Variants in EFCAB11 observed in about 807,000 individuals in gnomAD.
EFCAB11 encodes the protein EF-hand calcium binding domain 11, also known as EF-hand calcium-binding domain-containing protein 11.
In EFCAB11, 14 loss-of-function variants were observed where a neutral mutation model predicts 23.0. The observed-to-expected ratio is 0.61, with a 90% CI of 0.40 to 0.95. EFCAB11 has a LOEUF of 0.95. Among genes scored for constraint, EFCAB11 ranks in the 40% least tolerant of loss-of-function variants. EFCAB11 has a pLI of 0.00. For missense variants in EFCAB11, 198 were observed against 195.8 expected, an observed-to-expected ratio of 1.01 and a Z score of -0.07; for synonymous variants, 65 against 66.6, an observed-to-expected ratio of 0.98 and a Z score of 0.11.
chr14:89,848,193 T>C (rs1887494856), intron 5 of EFCAB11, among the ~76,000 whole-genome samples: 1 of 152,208 alleles, frequency 6.6e-6, no homozygotes, highest in South Asian at 2.1e-4. Flanking sequence ...ATAAGGAAAC[T>C]GAGGCTTAGA....
chr14:89,875,097 T>TGAATGCCAC (rs1301987704), intron 5 of EFCAB11, among the ~76,000 whole-genome samples: 2 of 152,206 alleles, frequency 1.3e-5, no homozygotes, highest in Admixed American at 6.5e-5. Flanking sequence ...CTCAGGTGGC[T>TGAATGCCAC]GAATGCCACT....
At chr14:89,868,579 G>A (rs1478349615) in intron 5 of EFCAB11, among the ~76,000 whole-genome samples, 3 of 152,222 alleles carry the variant, frequency 2.0e-5, no homozygotes, top group African/African-American at 4.8e-5. Flanking sequence ...CACCCAGTGA[G>A]TACCTGTCTT....
At position 89,931,531 on chromosome 14, in the gene EFCAB11, G is replaced by T; in HGVS notation, c.410+10C>A. 1 of 1,609,342 alleles carries T rather than the reference G, an allele frequency of 6.2e-7. No homozygotes were observed. The highest frequency in any genetic ancestry group is 2.2e-5 in the East Asian group (1 of 44,840). ...AAAAGGTGGTGTACAGAAGGATTTT[G>T]ATGCCTTACCTGAATACCTCAAGAA... On this transcript the variant is annotated intron_variant, in intron 5 of 5. Coordinates refer to ENST00000316738, the MANE Select transcript of EFCAB11 (RefSeq NM_145231.4).
chr14:89,913,126 T>TG, intron 5 of EFCAB11, among the ~76,000 whole-genome samples: 1 of 152,158 alleles, frequency 6.6e-6, no homozygotes, highest in Non-Finnish European at 1.5e-5. Flanking sequence ...CCTGCTTCTG[T>TG]GGGGAACTCA....
At chr14:89,863,930 C>T (rs1389929271) in intron 5 of EFCAB11, among the ~76,000 whole-genome samples, 1 of 152,174 alleles carries the variant, frequency 6.6e-6, no homozygotes, top group African/African-American at 2.4e-5. Context: ...ACTCTTTAAA[C>T]TTAGATAAGA....
chr14:89,891,686 A>AACAC (rs148132532), intron 5 of EFCAB11, among the ~76,000 whole-genome samples: 5 of 150,414 alleles, frequency 3.3e-5, no homozygotes, highest in Admixed American at 1.3e-4. Flanking sequence ...TTTAGACACA[A>AACAC]ACACACACAC....
At chr14:89,892,759 A>G (rs1296323256) in intron 5 of EFCAB11, among the ~76,000 whole-genome samples, 2 of 152,040 alleles carry the variant, frequency 1.3e-5, no homozygotes, top group Non-Finnish European at 2.9e-5. Flanking sequence ...AAAATTAGCC[A>G]GGCGTGGTGG....
chr14:89,892,102 C>T (rs1888989659), intron 5 of EFCAB11: 2 of 1,549,364 alleles, frequency 1.3e-6, no homozygotes, highest in South Asian at 2.4e-5. Context: ...CCTTTGAACA[C>T]ATCCAAGACT....
At chr14:89,954,517 C>CACGGGAGAGGA (rs1290063423) in intron 1 of EFCAB11, 69 bp downstream of exon 1, 1 of 1,588,026 alleles carries the variant, frequency 6.3e-7, no homozygotes, top group African/African-American at 1.3e-5. Context: ...GAGACCCAGA[C>CACGGGAGAGGA]ACGGGAGAGG....
At chr14:89,902,987 T>G (rs1889388000) in intron 5 of EFCAB11, among the ~76,000 whole-genome samples, 1 of 152,202 alleles carries the variant, frequency 6.6e-6, no homozygotes, top group Non-Finnish European at 1.5e-5. Context: ...AATAAAATGC[T>G]TCTAAAATGT....
intron 5 of EFCAB11, among the ~76,000 whole-genome samples, chr14:89,819,329 G>C (rs542037941): frequency 6.6e-6 from 1 of 151,486 alleles, no homozygotes; most frequent in African/African-American, 2.4e-5. Flanking sequence ...AAGCTGTTCA[G>C]TGGTTATCTG....
intron 5 of EFCAB11, among the ~76,000 whole-genome samples, chr14:89,893,197 T>C (rs1889037113): frequency 2.6e-5 from 4 of 152,186 alleles, no homozygotes; most frequent in Admixed American, 2.6e-4. Context: ...AGCTGCTGCA[T>C]GAGCAAAGGC....
At chr14:89,824,175 G>A (rs1328608255) in intron 5 of EFCAB11, among the ~76,000 whole-genome samples, 2 of 152,120 alleles carry the variant, frequency 1.3e-5, no homozygotes, top group African/African-American at 4.8e-5. Flanking sequence ...TATCTTAAAA[G>A]CAGAGAAAAA....
chr14:89,799,258 A>G (rs1388839277), intron 5 of EFCAB11: 1 of 152,316 alleles, frequency 6.6e-6, no homozygotes, highest in East Asian at 1.9e-4. Context: ...TTAAATTCAT[A>G]TTTCAAATGA....
chr14:89,879,549 A>G (rs1411532338), intron 5 of EFCAB11, among the ~76,000 whole-genome samples: 1 of 152,158 alleles, frequency 6.6e-6, no homozygotes, highest in Non-Finnish European at 1.5e-5. Flanking sequence ...AGGACCAAAC[A>G]AACAGAAAAA....
chr14:89,954,429 C>A, intron 1 of EFCAB11, 157 bp downstream of exon 1: 1 of 1,536,754 alleles, frequency 6.5e-7, no homozygotes, highest in Non-Finnish European at 8.7e-7. Flanking sequence ...AGCCAGGAGC[C>A]CTGCAGCTCC....
chr14:89,840,757 A>G (rs928993371), intron 5 of EFCAB11, among the ~76,000 whole-genome samples: 7 of 152,178 alleles, frequency 4.6e-5, no homozygotes, highest in African/African-American at 1.7e-4. Flanking sequence ...GCAGCGGCGT[A>G]ACTGAAGATT....
chr14:89,908,391 G>A (rs1399112752), intron 5 of EFCAB11, among the ~76,000 whole-genome samples: 10 of 152,120 alleles, frequency 6.6e-5, no homozygotes, highest in Middle Eastern at 6.3e-3. Flanking sequence ...TCCAAACTCC[G>A]AAATGCTCCA....
intron 5 of EFCAB11, among the ~76,000 whole-genome samples, chr14:89,874,875 G>A (rs1888386790): frequency 6.6e-6 from 1 of 151,500 alleles, no homozygotes; most frequent in South Asian, 2.1e-4. Context: ...CTGGGCAACA[G>A]AGTGAAACTG....
Sources: allele counts gnomAD v4.1 joint callset (sites outside exome capture counted in the v4.1 genomes callset), GRCh38; gene constraint gnomAD v4.1.1; transcripts MANE v1.5; gene names NCBI Gene and HGNC (gene_info 2026-07-23, HGNC 2026-07-21).